RALYL: variants seen among roughly 807,000 people sequenced by gnomAD.
The protein encoded by RALYL is RALY RNA binding protein like.
A neutral mutation model predicts 35.1 loss-of-function variants in RALYL; 29 were observed. The ratio of observed to expected loss-of-function variants is 0.83; its 90% CI spans 0.61 to 1.13. The LOEUF (loss-of-function observed/expected upper bound fraction) is 1.13. RALYL is among the 50% of genes most tolerant of loss of function. RALYL has a pLI of 0.00. For synonymous variants in RALYL, 120 were observed against 127.6 expected (o/e 0.94, Z 0.40); for missense variants, 359 against 360.4 (o/e 1.00, Z 0.03).
chr8:84,194,948 A>C (rs1781095902), intron 1 of RALYL, among the ~76,000 whole-genome samples: 1 of 152,100 alleles, frequency 6.6e-6, no homozygotes, highest in African/African-American at 2.4e-5. Context: ...TGTTCAACAG[A>C]TGGAAAAAAG....
chr8:84,286,295 T>C (rs113079793), intron 1 of RALYL, among the ~76,000 whole-genome samples: 1 of 152,202 alleles, frequency 6.6e-6, no homozygotes, highest in South Asian at 2.1e-4. Context: ...TCTCTGGTCA[T>C]GTTTGGTTTG....
intron 2 of RALYL, among the ~76,000 whole-genome samples, chr8:84,728,350 G>C (rs1396045797): frequency 6.6e-6 from 1 of 152,046 alleles, no homozygotes; most frequent in Non-Finnish European, 1.5e-5. Context: ...ATTTGTTTGA[G>C]TTCATTGTAG....
intron 4 of RALYL, among the ~76,000 whole-genome samples, chr8:84,820,029 T>TA (rs1213607349): frequency 5.9e-5 from 9 of 152,230 alleles, no homozygotes; most frequent in Non-Finnish European, 1.0e-4. Context: ...TTATAGAATT[T>TA]AAAAAATCAA....
At chr8:84,190,070 G>T (rs901273587) in intron 1 of RALYL, among the ~76,000 whole-genome samples, 1 of 152,210 alleles carries the variant, frequency 6.6e-6, no homozygotes, top group Admixed American at 6.5e-5. Flanking sequence ...AACACATTCA[G>T]CATTTACTTA....
At chr8:84,459,846 T>C (rs1439189400) in intron 1 of RALYL, among the ~76,000 whole-genome samples, 2 of 151,796 alleles carry the variant, frequency 1.3e-5, no homozygotes, top group Non-Finnish European at 2.9e-5. Context: ...GCTGGGTGTG[T>C]TGAACTTCCT....
chr8:84,449,725 T>C (rs1377045208), intron 1 of RALYL, among the ~76,000 whole-genome samples: 1 of 152,044 alleles, frequency 6.6e-6, no homozygotes, highest in East Asian at 1.9e-4. Context: ...ATATTTTACC[T>C]GAAATATACT....
intron 6 of RALYL, 94 bp from the exon 7 acceptor site, chr8:84,873,190 C>A: frequency 1.7e-6 from 1 of 602,626 alleles, no homozygotes; most frequent in Non-Finnish European, 3.0e-6. Flanking sequence ...TTGACACAGA[C>A]TTGAGAAAAT....
At chr8:84,337,927 A>C (rs1563754951) in intron 1 of RALYL, among the ~76,000 whole-genome samples, 1 of 152,230 alleles carries the variant, frequency 6.6e-6, no homozygotes, top group Non-Finnish European at 1.5e-5. Flanking sequence ...AGCTTAAAAA[A>C]TTCCCAGAAT....
intron 1 of RALYL, among the ~76,000 whole-genome samples, chr8:84,290,734 T>C (rs1347227827): frequency 6.6e-6 from 1 of 152,228 alleles, no homozygotes; most frequent in Admixed American, 6.5e-5. Context: ...ATGGCTTGGC[T>C]TGGGCTCAGA....
At chr8:84,803,243 G>A (rs1304243057) in intron 3 of RALYL, among the ~76,000 whole-genome samples, 4 of 152,146 alleles carry the variant, frequency 2.6e-5, no homozygotes, top group Non-Finnish European at 5.9e-5. Flanking sequence ...ATTATCAGGT[G>A]GAAAATAAAG....
intron 1 of RALYL, among the ~76,000 whole-genome samples, chr8:84,472,818 A>G (rs192771908): frequency 8.5e-5 from 13 of 152,276 alleles, no homozygotes; most frequent in African/African-American, 3.1e-4. Flanking sequence ...CCTTCATTCT[A>G]ACAGCTCTGA....
chr8:84,848,061 T>A (rs1025184131), intron 4 of RALYL, among the ~76,000 whole-genome samples: 11 of 152,220 alleles, frequency 7.2e-5, no homozygotes, highest in Non-Finnish European at 1.6e-4. Flanking sequence ...TAAATTTATT[T>A]GGAAATATAA....
At position 84,527,296 on chromosome 8, in the gene RALYL, T is replaced by C. The variant is rs141781415; in HGVS notation, c.-23-2003T>C. 5.3e-3 allele frequency among the ~76,000 whole-genome samples: 804 copies of C among 152,320 alleles called. 6 individuals are homozygous for C. Among genetic ancestry groups the C allele is most frequent in the African/African-American group, 0.019 (775 of 41,572 alleles). On this transcript the variant is annotated intron_variant, in intron 1 of 8. Transcript: ENST00000521268. ...ACAGAGCAGAGTCCAAGATAGCATG[T>C]TGACATTCACAGTGAGGATTCAGAG...
chr8:84,915,640 C>T (rs1387004331), intron 8 of RALYL, among the ~76,000 whole-genome samples: 1 of 152,046 alleles, frequency 6.6e-6, no homozygotes, highest in Non-Finnish European at 1.5e-5. Flanking sequence ...GTAAAAGACA[C>T]TGCTGCTCTG....
intron 1 of RALYL, among the ~76,000 whole-genome samples, chr8:84,282,751 T>C (rs1195972558): frequency 4.8e-5 from 2 of 41,860 alleles, no homozygotes; most frequent in African/African-American, 1.2e-4. Context: ...TGTATGCGTG[T>C]GTGTGTGTGT....
At chr8:84,383,322 C>A (rs534771345) in intron 1 of RALYL, among the ~76,000 whole-genome samples, 2 of 151,738 alleles carry the variant, frequency 1.3e-5, no homozygotes, top group South Asian at 4.2e-4. Flanking sequence ...TATGGGGAAT[C>A]AGACTCCTGG....
intron 1 of RALYL, among the ~76,000 whole-genome samples, chr8:84,445,211 A>C (rs533377365): frequency 3.4e-4 from 51 of 152,194 alleles, no homozygotes; most frequent in African/African-American, 1.1e-3. Context: ...AATATCTTTC[A>C]GGAAGTTCCA....
Position 84,682,710 on chromosome 8 carries a change from G to A in RALYL, c.257-91869G>A, listed in dbSNP as rs189667550. ...TATCCCCTTTATCAGTTTTTATTGC[G>A]TCTTTTTGATTCGTCTCTCTTTTCT... On this transcript the variant is annotated intron_variant, in intron 2 of 8. Coordinates refer to ENST00000521268, the MANE Select transcript of RALYL (RefSeq NM_173848.7). Among the ~76,000 whole-genome samples, 7 of 152,028 alleles carry A rather than the reference G, an allele frequency of 4.6e-5. 1 individual carries two copies. Among genetic ancestry groups the A allele is most frequent in the Admixed American group, 1.3e-4 (2 of 15,252 alleles).
intron 2 of RALYL, among the ~76,000 whole-genome samples, chr8:84,748,360 A>G (rs1809158076): frequency 6.6e-6 from 1 of 152,044 alleles, no homozygotes; most frequent in Admixed American, 6.6e-5. Context: ...AATATGGATG[A>G]AAGATGGATA....
Sources: allele counts gnomAD v4.1 joint callset (sites outside exome capture counted in the v4.1 genomes callset), GRCh38; gene constraint gnomAD v4.1.1; transcripts MANE v1.5; gene names NCBI Gene and HGNC (gene_info 2026-07-23, HGNC 2026-07-21).